Variants in CEP63 observed in about 807,000 individuals in gnomAD.
CEP63 encodes the protein centrosomal protein of 63 kDa.
In CEP63, 84 loss-of-function variants were observed where a neutral mutation model predicts 89.1. That is an observed-to-expected ratio of 0.94 (90% CI 0.79 to 1.13). The LOEUF is 1.13. CEP63 is among the 50% of genes most tolerant of loss of function. The probability of loss-of-function intolerance (pLI) is 0.00; values close to 1 mark genes in which losing one functional copy is unlikely to be tolerated. For missense variants in CEP63, 838 were observed against 813.3 expected, an observed-to-expected ratio of 1.03 and a Z score of -0.37; for synonymous variants, 267 against 272.5, an observed-to-expected ratio of 0.98 and a Z score of 0.20.
chr3:134,627,144 T>C, the CEP63 span, among the ~76,000 whole-genome samples: 1 of 152,360 alleles, frequency 6.6e-6, no homozygotes, highest in African/African-American at 2.4e-5. Flanking sequence ...GATTTATGCC[T>C]CATTAAATCT....
intron 3 of CEP63, chr3:134,510,528 T>G (rs1375944218): frequency 4.8e-6 from 2 of 416,008 alleles, no homozygotes; most frequent in Non-Finnish European, 9.1e-6. Flanking sequence ...GGTATTTTAT[T>G]CCCACTGGAT....
At chr3:134,533,082 AC>A (rs978579082) in intron 5 of CEP63, among the ~76,000 whole-genome samples, 182 bp downstream of exon 5, 1 of 152,206 alleles carries the variant, frequency 6.6e-6, no homozygotes, top group African/African-American at 2.4e-5. Context: ...CCCTGGGTTA[AC>A]GGGGTTACTG....
At chr3:134,530,595 T>G (rs1949679966) in intron 3 of CEP63, among the ~76,000 whole-genome samples, 1 of 152,168 alleles carries the variant, frequency 6.6e-6, no homozygotes, top group Admixed American at 6.5e-5. Context: ...CATGGTTAAA[T>G]TTATCATTTT....
chr3:134,525,327 G>T (rs545696346), intron 3 of CEP63, among the ~76,000 whole-genome samples: 35 of 152,058 alleles, frequency 2.3e-4, no homozygotes, highest in Non-Finnish European at 3.7e-4. Flanking sequence ...TCAGCTTCTA[G>T]ATTTGTTGAT....
At chr3:134,553,321 T>G (rs1289920472) in intron 12 of CEP63, 3 of 152,154 alleles carry the variant, frequency 2.0e-5, no homozygotes, top group Non-Finnish European at 4.4e-5. Flanking sequence ...CCAAACATCA[T>G]GACGCCATAG....
the CEP63 span, among the ~76,000 whole-genome samples, chr3:134,661,848 A>G: frequency 2.0e-5 from 3 of 150,178 alleles, no homozygotes; most frequent in Non-Finnish European, 3.0e-5. Flanking sequence ...CTAACTTCTA[A>G]GGTGATAATA....
At chr3:134,675,113 A>G in the CEP63 span, among the ~76,000 whole-genome samples, 1 of 152,206 alleles carries the variant, frequency 6.6e-6, no homozygotes, top group Non-Finnish European at 1.5e-5. Flanking sequence ...CAATTGGAGA[A>G]CTCATACTTT....
At chr3:134,770,996 C>G in the CEP63 span, among the ~76,000 whole-genome samples, 1 of 152,166 alleles carries the variant, frequency 6.6e-6, no homozygotes, top group Non-Finnish European at 1.5e-5. Context: ...CCAAATTTGA[C>G]AGGAAATTTC....
chr3:134,515,747 A>G (rs1310286598), intron 3 of CEP63, among the ~76,000 whole-genome samples: 1 of 152,218 alleles, frequency 6.6e-6, no homozygotes, highest in African/African-American at 2.4e-5. Context: ...TCCCTGGGCC[A>G]GATTGGAAGA....
the CEP63 span, among the ~76,000 whole-genome samples, chr3:134,764,301 G>T: frequency 4.6e-5 from 7 of 152,132 alleles, no homozygotes; most frequent in Non-Finnish European, 8.8e-5. Context: ...GCTCCCACTG[G>T]ACTTCAGCCC....
At chr3:134,680,433 A>C in the CEP63 span, among the ~76,000 whole-genome samples, 1 of 152,216 alleles carries the variant, frequency 6.6e-6, no homozygotes, top group Non-Finnish European at 1.5e-5. Context: ...TGCGCTGTGA[A>C]GCACATTGAT....
chr3:134,635,229 G>T, the CEP63 span, among the ~76,000 whole-genome samples: 5 of 152,192 alleles, frequency 3.3e-5, no homozygotes, highest in Admixed American at 3.3e-4. Flanking sequence ...GGGCATGATG[G>T]CTCATGCCTG....
chr3:134,741,228 A>G, the CEP63 span, among the ~76,000 whole-genome samples: 1 of 152,220 alleles, frequency 6.6e-6, no homozygotes, highest in Non-Finnish European at 1.5e-5. Flanking sequence ...CCCATAGTCC[A>G]GCCTGAGAAC....
intron 5 of CEP63, chr3:134,536,414 G>A (rs975916031): frequency 6.5e-6 from 1 of 152,908 alleles, no homozygotes; most frequent in Non-Finnish European, 1.5e-5. Flanking sequence ...GGTCCTGGAA[G>A]ACAGTGATAG....
chr3:134,688,537 T>C, the CEP63 span, among the ~76,000 whole-genome samples: 26 of 152,208 alleles, frequency 1.7e-4, no homozygotes, highest in African/African-American at 6.0e-4. Context: ...AAACTGTAGC[T>C]CAATGAAGCT....
chr3:134,736,277 A>G, the CEP63 span, among the ~76,000 whole-genome samples: 1 of 152,160 alleles, frequency 6.6e-6, no homozygotes, highest in Non-Finnish European at 1.5e-5. Flanking sequence ...TAGAAGCAAT[A>G]CATTTAAAAT....
chr3:134,701,288 ATATATGTG>A, the CEP63 span, among the ~76,000 whole-genome samples: 1 of 66,984 alleles, frequency 1.5e-5, no homozygotes, highest in Non-Finnish European at 4.4e-5. Flanking sequence ...ATATATACGT[ATATATGTG>A]TATATATACG....
the CEP63 span, among the ~76,000 whole-genome samples, chr3:134,659,124 G>A: frequency 6.6e-6 from 1 of 152,150 alleles, no homozygotes. Flanking sequence ...GCCCTTTGCT[G>A]GGGAGGGAGA....
At chr3:134,707,412 A>G in the CEP63 span, among the ~76,000 whole-genome samples, 4 of 152,228 alleles carry the variant, frequency 2.6e-5, no homozygotes, top group African/African-American at 9.6e-5. Flanking sequence ...CCAGAGGGCT[A>G]CACAATCCTA....
Sources: allele counts gnomAD v4.1 joint callset (sites outside exome capture counted in the v4.1 genomes callset), GRCh38; gene constraint gnomAD v4.1.1; transcripts MANE v1.5; gene names NCBI Gene and HGNC (gene_info 2026-07-23, HGNC 2026-07-21).